Variants in PSTPIP2 observed in about 807,000 individuals in gnomAD.
The protein encoded by PSTPIP2 is proline-serine-threonine phosphatase-interacting protein 2.
A neutral mutation model predicts 63.3 loss-of-function variants in PSTPIP2; 33 were observed. That is an observed-to-expected ratio of 0.52 (90% CI 0.40 to 0.70). The LOEUF is 0.70. Ranked by LOEUF, PSTPIP2 falls within the 30% of genes least tolerant of loss-of-function variation. The pLI, the probability that PSTPIP2 is intolerant of heterozygous loss-of-function variation, is 0.00. For missense variants in PSTPIP2, 312 were observed against 400.7 expected (o/e 0.78, Z 1.89); for synonymous variants, 125 against 132.7 (o/e 0.94, Z 0.40).
At chr18:46,027,535 C>T (rs1907624929) in intron 2 of PSTPIP2, among the ~76,000 whole-genome samples, 2 of 151,412 alleles carry the variant, frequency 1.3e-5, no homozygotes, top group Admixed American at 1.3e-4. Flanking sequence ...CAAAAAAATA[C>T]AAAAATTAGC....
chr18:46,018,150 T>A (rs1255558090), intron 3 of PSTPIP2, among the ~76,000 whole-genome samples: 3 of 152,220 alleles, frequency 2.0e-5, no homozygotes, highest in African/African-American at 7.2e-5. Flanking sequence ...CATACTTGTT[T>A]TTTAGATCTG....
intron 5 of PSTPIP2, among the ~76,000 whole-genome samples, chr18:46,006,336 G>A (rs2051724858): frequency 7.0e-6 from 1 of 142,982 alleles, no homozygotes; most frequent in South Asian, 2.2e-4. Context: ...TTACAGGTAT[G>A]AGCCACCATG....
intron 14 of PSTPIP2, 124 bp from the exon 15 acceptor site, chr18:45,985,574 G>C: frequency 1.1e-6 from 1 of 885,428 alleles, no homozygotes. Context: ...GGTGAGGAAT[G>C]GGTATTCCAA....
At chr18:46,014,437 A>G (rs530127498) in intron 4 of PSTPIP2, among the ~76,000 whole-genome samples, 8 of 152,312 alleles carry the variant, frequency 5.3e-5, no homozygotes, top group South Asian at 4.1e-4. Context: ...TCAATGGCTG[A>G]GCGCAGCGTC....
Position 45,985,258 on chromosome 18 carries a change from A to T in PSTPIP2, c.*201T>A, listed in dbSNP as rs757604557. On this transcript the variant is annotated 3_prime_UTR_variant, in exon 15 of 15. Transcript: ENST00000409746. ...AATTCTTCAGAATGGGGCAATTTGT[A>T]AACTTCAAAAAACTGCAGAACTCTA... The T allele has an allele frequency of 1.8e-5, 12 of 649,944 alleles. 1 individual carries two copies. Among genetic ancestry groups the T allele is most frequent in the Non-Finnish European group, 3.1e-5 (12 of 393,160 alleles). 40.3% of individuals were successfully genotyped at this position (649,944 alleles called of 1,614,324 possible).
chr18:46,007,256 A>T (rs1396711967), intron 5 of PSTPIP2, among the ~76,000 whole-genome samples: 1 of 152,254 alleles, frequency 6.6e-6, no homozygotes, highest in Non-Finnish European at 1.5e-5. Context: ...GTCTCACTTC[A>T]AATATGAGCT....
Position 45,998,853 on chromosome 18 carries a change from C to T in PSTPIP2, c.517-14G>A. On this transcript the variant is annotated splice_polypyrimidine_tract_variant and intron_variant, in intron 7 of 14. Coordinates refer to ENST00000409746, the MANE Select transcript of PSTPIP2 (RefSeq NM_024430.4). The stretch of plus-strand genomic sequence containing the variant: ...TTTCACAAAAAGCTGTGAAAACAAA[C>T]AAACAAACAAAAAAAGAGCAAGCAT... 6.2e-7 allele frequency: 1 copy of T among 1,613,438 alleles called. No individual in the cohort carries two copies. The highest frequency in any genetic ancestry group is 2.2e-5 in the East Asian group (1 of 44,864).
In PSTPIP2 at chr18:46,024,608, C is replaced by T; in HGVS notation, c.212+1G>A. 1.2e-6 allele frequency: 2 copies of T among 1,613,400 alleles called. No individual in the cohort carries two copies. The highest frequency in any genetic ancestry group is 1.7e-6 in the Non-Finnish European group (2 of 1,179,362). On this transcript the variant is annotated splice_donor_variant, in intron 3 of 14. Transcript: ENST00000409746. LOFTEE classifies it high-confidence loss of function. ...AAACCAGAAAAAAACTTGATACATA[C>T]TTGATTTCAGACTGTCCACACGGCT... is the stretch of plus-strand genomic sequence containing the variant.
intron 9 of PSTPIP2, among the ~76,000 whole-genome samples, chr18:45,995,124 T>C (rs974424583): frequency 6.6e-6 from 1 of 152,118 alleles, no homozygotes; most frequent in African/African-American, 2.4e-5. Flanking sequence ...TTTTATTTTG[T>C]TTTGTTTTGA....
At position 46,006,360 on chromosome 18, in the gene PSTPIP2, C is replaced by CTTTTTTTTTTTTTTTTT. The variant is rs756384731; in HGVS notation, c.355-846_355-830dup. On this transcript the variant is annotated intron_variant, in intron 5 of 14. Coordinates refer to ENST00000409746, the MANE Select transcript of PSTPIP2 (RefSeq NM_024430.4). ...TGAGCCACCATGCCCAGCCCTGGTA[C>CTTTTTTTTTTTTTTTTT]TTTTTTTTTTTTTTTTTTTTTTTTT... 3.5e-5 allele frequency among the ~76,000 whole-genome samples: 4 copies of CTTTTTTTTTTTTTTTTT among 115,628 alleles called. 2 individuals are homozygous for CTTTTTTTTTTTTTTTTT. The highest frequency in any genetic ancestry group is 3.3e-5 in the Non-Finnish European group (2 of 60,024). The allele number at this position is 115,628 out of a possible 152,430, so 75.9% of individuals were successfully genotyped here.
chr18:46,058,735 G>C (rs997819387), intron 1 of PSTPIP2, among the ~76,000 whole-genome samples: 2 of 152,306 alleles, frequency 1.3e-5, no homozygotes, highest in African/African-American at 4.8e-5. Flanking sequence ...GGTTCTCTCT[G>C]CTTAAAGGCA....
At chr18:46,051,862 G>T (rs1247957385) in intron 1 of PSTPIP2, among the ~76,000 whole-genome samples, 2 of 152,208 alleles carry the variant, frequency 1.3e-5, no homozygotes, top group Admixed American at 6.5e-5. Flanking sequence ...ATATCCCTGA[G>T]AGGTGAACAA....
intron 4 of PSTPIP2, among the ~76,000 whole-genome samples, chr18:46,014,311 C>T (rs530577165): frequency 7.0e-3 from 1 of 142 alleles, no homozygotes; most frequent in South Asian, 0.17. Flanking sequence ...TGTGAGCCAC[C>T]GCACAGGCCA....
intron 5 of PSTPIP2, among the ~76,000 whole-genome samples, chr18:46,008,929 T>A (rs1289230828): frequency 6.6e-6 from 1 of 152,110 alleles, no homozygotes; most frequent in Non-Finnish European, 1.5e-5. Context: ...TTCACCCCAC[T>A]GGTTTTAGCA....
At chr18:46,016,027 T>A in intron 3 of PSTPIP2, 90 bp from the exon 4 acceptor site, 1 of 1,440,640 alleles carries the variant, frequency 6.9e-7, no homozygotes, top group Non-Finnish European at 9.5e-7. Flanking sequence ...TCTCTGCCCA[T>A]ATCTTAACTT....
chr18:46,011,083 A>G (rs1354079318), intron 5 of PSTPIP2, 98 bp downstream of exon 5: 1 of 1,001,380 alleles, frequency 1.0e-6, no homozygotes, highest in Non-Finnish European at 1.6e-6. Context: ...TCATGATTAC[A>G]TGATGGTGGG....
At position 45,985,099 on chromosome 18, in the gene PSTPIP2, A is replaced by G. The variant is rs970924419; in HGVS notation, c.*360T>C. ...GCTGCCCAAAGCCAAAGGAGCCACT[A>G]CTGCAGTTGGTGGCTCAGAATCCTC... On this transcript the variant is annotated 3_prime_UTR_variant, in exon 15 of 15. Transcript: ENST00000409746. The G allele has an allele frequency of 6.9e-6, 2 of 288,064 alleles. No homozygotes were observed. Among genetic ancestry groups the G allele is most frequent in the African/African-American group, 4.5e-5 (2 of 44,542 alleles). The allele number at this position is 288,064 out of a possible 1,614,324, so 17.8% of individuals were successfully genotyped here. A position where few individuals can be genotyped will look rare whatever the true frequency, so the allele number is the denominator to read the frequency against.
chr18:45,994,335 A>G (rs1261994029), intron 9 of PSTPIP2, among the ~76,000 whole-genome samples: 2 of 152,252 alleles, frequency 1.3e-5, no homozygotes, highest in Non-Finnish European at 2.9e-5. Context: ...ATTGAATACC[A>G]TAGCTATTTT....
chr18:45,992,589 AC>A (rs1276426608), intron 10 of PSTPIP2, among the ~76,000 whole-genome samples: 1 of 151,882 alleles, frequency 6.6e-6, no homozygotes, highest in African/African-American at 2.4e-5. Flanking sequence ...AAACAAAAAA[AC>A]ATGGGTTTGA....
Sources: allele counts gnomAD v4.1 joint callset (sites outside exome capture counted in the v4.1 genomes callset), GRCh38; gene constraint gnomAD v4.1.1; transcripts MANE v1.5; gene names NCBI Gene and HGNC (gene_info 2026-07-23, HGNC 2026-07-21).